LRFN2: variants seen among roughly 807,000 people sequenced by gnomAD.
LRFN2 encodes the protein leucine-rich repeat and fibronectin type-III domain-containing protein 2.
In LRFN2, 18 loss-of-function variants were observed where a neutral mutation model predicts 37.3. The observed-to-expected ratio is 0.48, with a 90% CI of 0.33 to 0.72. The LOEUF is 0.72. Among genes scored for constraint, LRFN2 ranks in the 30% least tolerant of loss-of-function variants. LRFN2 has a pLI of 0.02. For missense variants in LRFN2, 1,006 were observed against 1,060.7 expected (o/e 0.95, Z 0.72); for synonymous variants, 556 against 466.6 (o/e 1.19, Z -2.47).
At chr6:40,440,592 A>G (rs1305073768) in intron 1 of LRFN2, among the ~76,000 whole-genome samples, 1 of 152,230 alleles carries the variant, frequency 6.6e-6, no homozygotes, top group Non-Finnish European at 1.5e-5. Flanking sequence ...ATGCAAGTGC[A>G]TGCTTGCACC....
intron 1 of LRFN2, among the ~76,000 whole-genome samples, chr6:40,494,720 C>T (rs772159701): frequency 2.0e-5 from 3 of 152,158 alleles, no homozygotes; most frequent in Non-Finnish European, 4.4e-5. Flanking sequence ...CATAACACCT[C>T]ACCTCTGAAA....
intron 1 of LRFN2, among the ~76,000 whole-genome samples, chr6:40,549,648 T>C (rs191552729): frequency 6.6e-6 from 1 of 152,318 alleles, no homozygotes; most frequent in Admixed American, 6.5e-5. Context: ...GATGCTATTG[T>C]ATGTGAGCAA....
At chr6:40,422,552 T>C (rs9394691) in intron 2 of LRFN2, among the ~76,000 whole-genome samples, 32,354 of 152,056 alleles carry the variant, frequency 0.21, 4,209 homozygotes, top group African/African-American at 0.37. Context: ...CTGAGTTCCA[T>C]ACCTTCCCCA....
chr6:40,476,920 C>T (rs78039906), intron 1 of LRFN2, among the ~76,000 whole-genome samples: 2,509 of 152,320 alleles, frequency 0.016, 67 homozygotes, highest in African/African-American at 0.057. Flanking sequence ...CTGGGCTGGA[C>T]TCCAAGGAAT....
intron 1 of LRFN2, among the ~76,000 whole-genome samples, chr6:40,479,500 G>A (rs545771538): frequency 1.6e-4 from 24 of 152,348 alleles, no homozygotes; most frequent in Admixed American, 4.6e-4. Flanking sequence ...CTTCTGCTAA[G>A]TTACCACTAA....
At chr6:40,584,700 C>T (rs575014182) in intron 1 of LRFN2, among the ~76,000 whole-genome samples, 4 of 152,268 alleles carry the variant, frequency 2.6e-5, no homozygotes, top group South Asian at 4.1e-4. Context: ...ACAGACCCCA[C>T]GCCAGGAGCT....
chr6:40,577,917 G>T (rs1385285857), intron 1 of LRFN2, among the ~76,000 whole-genome samples: 1 of 151,786 alleles, frequency 6.6e-6, no homozygotes. Flanking sequence ...TAGGAATATG[G>T]CCCAGGAGGA....
chr6:40,512,041 G>A (rs1041834068), intron 1 of LRFN2, among the ~76,000 whole-genome samples: 1 of 152,218 alleles, frequency 6.6e-6, no homozygotes, highest in Non-Finnish European at 1.5e-5. Context: ...GAACTCCTGA[G>A]GCTGAAAGCC....
At position 40,392,080 on chromosome 6, in the gene LRFN2, G is replaced by C; in HGVS notation, c.2233C>G (p.Pro745Ala). Residue 745 changes from proline to alanine, a missense_variant, in exon 3 of 3, where the codon CCT becomes GCT. Coordinates refer to ENST00000338305, the MANE Select transcript of LRFN2 (RefSeq NM_020737.3). This position sits in a 1 kb window ranked among gnomAD's most constrained non-coding sequence, Gnocchi z 4.7. ...GGVVPGGYSPPRKVSNIWTKR... is the reference protein window; with the variant it reads ...GGVVPGGYSPARKVSNIWTKR... ...GTCCAGATGTTCGAGACCTTCCGAG[G>C]AGGACTGTAGCCGCCCGGCACGACC... 1.2e-6 allele frequency: 2 copies of C among 1,614,050 alleles called. No homozygotes were observed.
intron 1 of LRFN2, among the ~76,000 whole-genome samples, chr6:40,455,290 A>G (rs139869231): frequency 5.9e-5 from 9 of 152,138 alleles, no homozygotes; most frequent in African/African-American, 1.9e-4. Context: ...TACCAAACAC[A>G]TCATGATCTC....
chr6:40,567,267 G>A (rs1767106903), intron 1 of LRFN2, among the ~76,000 whole-genome samples: 1 of 152,112 alleles, frequency 6.6e-6, no homozygotes, highest in Admixed American at 6.5e-5. Flanking sequence ...TTCCAATGAG[G>A]AAAGAAAAAG....
chr6:40,514,720 CA>C, intron 1 of LRFN2, among the ~76,000 whole-genome samples: 1 of 152,344 alleles, frequency 6.6e-6, no homozygotes, highest in South Asian at 2.1e-4. Context: ...TTGACTTTTA[CA>C]ATTTTCAAAA....
intron 1 of LRFN2, among the ~76,000 whole-genome samples, chr6:40,583,462 A>G (rs902498936): frequency 6.6e-6 from 1 of 152,210 alleles, no homozygotes; most frequent in Admixed American, 6.5e-5. Context: ...TCACTGGTTA[A>G]CTGCAGTCCC....
chr6:40,435,040 TATATATATATATAGAGAGAG>T (rs1180708280), intron 1 of LRFN2, among the ~76,000 whole-genome samples: 31 of 93,708 alleles, frequency 3.3e-4, no homozygotes, highest in South Asian at 1.4e-3. Context: ...TATATATATA[TATATATATATATAGAGAGAG>T]AGAGAGAGAG....
At chr6:40,560,115 C>A (rs1766966398) in intron 1 of LRFN2, among the ~76,000 whole-genome samples, 2 of 152,234 alleles carry the variant, frequency 1.3e-5, no homozygotes, top group Non-Finnish European at 2.9e-5. Context: ...CTATTCATTT[C>A]TATGGCCTTA....
chr6:40,579,635 C>CAT (rs1413903568), intron 1 of LRFN2, among the ~76,000 whole-genome samples: 1 of 151,708 alleles, frequency 6.6e-6, no homozygotes, highest in Non-Finnish European at 1.5e-5. Flanking sequence ...CACACACACA[C>CAT]ACGAGAATGC....
Position 40,393,952 on chromosome 6 carries a change from G to T in LRFN2, c.1401-1040C>A, listed in dbSNP as rs138839306. ...GCAGGAGAAGGGGGCCTGCTGCTTAGGGGTGGAGGGACAGTGCAGTGTTAA... is the reference window on the plus strand; with the variant it reads ...GCAGGAGAAGGGGGCCTGCTGCTTATGGGTGGAGGGACAGTGCAGTGTTAA... On this transcript the variant is annotated intron_variant, in intron 2 of 2. Coordinates refer to ENST00000338305, the MANE Select transcript of LRFN2 (RefSeq NM_020737.3). 3.3e-5 allele frequency among the ~76,000 whole-genome samples: 5 copies of T among 152,316 alleles called. No homozygotes were observed. The South Asian group carries it at 1.0e-3, about 32-fold the overall frequency.
intron 1 of LRFN2, among the ~76,000 whole-genome samples, chr6:40,487,743 C>T (rs1182651597): frequency 6.6e-6 from 1 of 152,204 alleles, no homozygotes; most frequent in Non-Finnish European, 1.5e-5. Context: ...CAGGATGAAA[C>T]CAAAGGAAGC....
intron 1 of LRFN2, among the ~76,000 whole-genome samples, chr6:40,567,834 G>C (rs950925270): frequency 6.6e-6 from 1 of 152,074 alleles, no homozygotes; most frequent in African/African-American, 2.4e-5. Flanking sequence ...GGAGGTGCTG[G>C]TGAGGCGGCA....
Sources: gnomAD v4.1 joint callset for allele counts (sites outside exome capture counted in the v4.1 genomes callset) on GRCh38, gnomAD v4.1.1 for gene constraint, Gnocchi (gnomAD v3.1) non-coding constraint, MANE v1.5 for transcripts, NCBI Gene and HGNC (gene_info 2026-07-23, HGNC 2026-07-21) for gene names.